The following ABCA13 variants were observed in gnomAD, a reference collection of about 807,000 sequenced individuals.
ABCA13 encodes ATP-binding cassette sub-family A member 13.
A neutral mutation model predicts 478.7 loss-of-function variants in ABCA13; 476 were observed. The observed-to-expected ratio is 0.99, with a 90% CI of 0.92 to 1.07. ABCA13 has a LOEUF of 1.07. Ranked by LOEUF, ABCA13 falls within the 50% of genes least tolerant of loss-of-function variation. ABCA13 has a pLI of 0.00. For synonymous variants in ABCA13, 2,252 were observed against 2,158.9 expected (o/e 1.04, Z -1.20); for missense variants, 6,060 against 5,910.6 (o/e 1.03, Z -0.83).
rs982683854 is a variant in ABCA13 at position 48,220,866 on chromosome 7, G to T, written c.440-415G>T. On this transcript the variant is annotated intron_variant, in intron 4 of 61. Coordinates refer to ENST00000435803, the MANE Select transcript of ABCA13 (RefSeq NM_152701.5). ...ATTTGAGCCATTTTCTGTGAGATAT[G>T]TAACTTAAAATAATCTGAAAAATTA... 4.6e-5 allele frequency among the ~76,000 whole-genome samples: 7 copies of T among 152,072 alleles called. No individual in the cohort carries two copies. In the East Asian group the frequency reaches 1.2e-3, roughly 25 times the overall value.
At position 48,248,288 on chromosome 7, in the gene ABCA13, T is replaced by C. The variant is rs368770394; in HGVS notation, c.1709T>C (p.Leu570Ser). The C allele has an allele frequency of 6.2e-7, 1 of 1,613,764 alleles. No homozygotes were observed. The highest frequency in any genetic ancestry group is 1.3e-5 in the African/African-American group (1 of 74,940). Reference protein sequence around the residue: ...VITWHKNMSVLIPEEYLDWQE... With the variant: ...VITWHKNMSVSIPEEYLDWQE... ...ACTTGGCACAAAAATATGTCAGTTTTAATACCTGAAGAATATTTGGACTGG... is the reference window on the plus strand; with the variant it reads ...ACTTGGCACAAAAATATGTCAGTTTCAATACCTGAAGAATATTTGGACTGG... Residue 570 changes from leucine (L) to serine (S), a missense_variant, in exon 14 of 62, where the codon TTA (leucine) becomes TCA (serine). This residue lies in a region of ABCA13 where 4,423 missense variants were observed against 4,309.1 expected (regional missense o/e 1.03). Coordinates refer to ENST00000435803, the MANE Select transcript of ABCA13 (RefSeq NM_152701.5).
intron 23 of ABCA13, among the ~76,000 whole-genome samples, chr7:48,304,833 T>A (rs1020906089): frequency 7.2e-5 from 11 of 152,202 alleles, no homozygotes; most frequent in South Asian, 2.1e-4. Context: ...AAGGACACCA[T>A]TGGCACTGCC....
Position 48,455,211 on chromosome 7 carries a change from G to A in ABCA13, c.12740G>A (p.Arg4247Lys), listed in dbSNP as rs1298611832. The A allele has an allele frequency of 6.3e-7, 1 of 1,597,962 alleles. No individual in the cohort carries two copies. The highest frequency in any genetic ancestry group is 1.7e-5 in the Admixed American group (1 of 58,064). ...VALAMGLFMV[R>K]PLATEYPPLR... Reference sequence around the variant, plus strand: ...TTGGCCATGGGCTTGTTCATGGTGAGACCCCTGGCCACCGAGTACCCTCCC... The same window carrying A: ...TTGGCCATGGGCTTGTTCATGGTGAAACCCCTGGCCACCGAGTACCCTCCC... The change falls in exon 43 of 62, where the codon AGA becomes AAA. Residue 4247 changes from arginine (R) to lysine (K), a missense_variant. Physicochemically the swap from Arg to Lys is conservative, Grantham distance 26. Coordinates refer to ENST00000435803, the MANE Select transcript of ABCA13 (RefSeq NM_152701.5).
intron 59 of ABCA13, among the ~76,000 whole-genome samples, chr7:48,637,888 T>C (rs1002577173): frequency 6.6e-6 from 1 of 152,202 alleles, no homozygotes; most frequent in Admixed American, 6.5e-5. Flanking sequence ...CCATTAAATA[T>C]GAACTGGGCA....
intron 6 of ABCA13, among the ~76,000 whole-genome samples, chr7:48,229,059 C>A (rs966308024): frequency 6.6e-6 from 1 of 152,112 alleles, no homozygotes; most frequent in Non-Finnish European, 1.5e-5. Context: ...CGCTTCAATA[C>A]ACAAAGTTGT....
intron 44 of ABCA13, among the ~76,000 whole-genome samples, chr7:48,470,117 A>G (rs1222204311): frequency 6.6e-6 from 1 of 152,168 alleles, no homozygotes; most frequent in Non-Finnish European, 1.5e-5. Flanking sequence ...CTTAAACTTT[A>G]AAAGAAAAAT....
intron 48 of ABCA13, among the ~76,000 whole-genome samples, chr7:48,494,128 CATT>C (rs2130740694): frequency 6.6e-6 from 1 of 152,264 alleles, no homozygotes; most frequent in African/African-American, 2.4e-5. Flanking sequence ...GGCCACAACT[CATT>C]AGTATGCTGC....
intron 41 of ABCA13, among the ~76,000 whole-genome samples, chr7:48,414,039 C>A (rs1400229581): frequency 6.6e-6 from 1 of 152,202 alleles, no homozygotes; most frequent in East Asian, 1.9e-4. Context: ...GGAGTCCATC[C>A]ATTCCCACTG....
intron 22 of ABCA13, among the ~76,000 whole-genome samples, chr7:48,297,768 CTCTTTCTT>C (rs1178916104): frequency 6.8e-6 from 1 of 147,494 alleles, no homozygotes; most frequent in Non-Finnish European, 1.5e-5. Context: ...TAAGAAGAAG[CTCTTTCTT>C]TCTTTCTTTC....
chr7:48,190,452 C>T (rs2128890897), intron 1 of ABCA13, among the ~76,000 whole-genome samples: 1 of 152,246 alleles, frequency 6.6e-6, no homozygotes, highest in African/African-American at 2.4e-5. Context: ...ATGGCCTTTA[C>T]CTTTTCAAGA....
intron 4 of ABCA13, 72 bp downstream of exon 4, chr7:48,219,577 G>C: frequency 6.6e-7 from 1 of 1,526,692 alleles, no homozygotes; most frequent in Non-Finnish European, 8.8e-7. Flanking sequence ...GAGGCTATGA[G>C]AACCCAGAAT....
intron 27 of ABCA13, among the ~76,000 whole-genome samples, chr7:48,319,680 A>T (rs572946062): frequency 5.3e-5 from 8 of 152,316 alleles, no homozygotes; most frequent in African/African-American, 1.9e-4. Flanking sequence ...TTGTAATAGC[A>T]CAGGTGACAC....
intron 42 of ABCA13, among the ~76,000 whole-genome samples, chr7:48,449,195 GT>G (rs1824684143): frequency 6.6e-6 from 1 of 152,094 alleles, no homozygotes; most frequent in South Asian, 2.1e-4. Flanking sequence ...CAGGTTTTAT[GT>G]TTTGTTAGTA....
Position 48,376,602 on chromosome 7 carries a change from C to A in ABCA13, c.11335+30C>A, listed in dbSNP as rs559948736. 1.9e-5 allele frequency: 30 copies of A among 1,605,424 alleles called. 2 individuals carry two copies. In the South Asian group the frequency reaches 3.2e-4, roughly 17 times the overall value. ...GAATTTTGCCTTTTGTAAGATAACA[C>A]AATAAATTTTAAAAACAGTTTGAAT... is the stretch of plus-strand genomic sequence containing the variant. On this transcript the variant is annotated intron_variant, in intron 35 of 61. Transcript: ENST00000435803.
intron 18 of ABCA13, 63 bp downstream of exon 18, chr7:48,279,983 A>C (rs999866516): frequency 7.0e-7 from 1 of 1,423,064 alleles, no homozygotes; most frequent in African/African-American, 1.4e-5. Flanking sequence ...AAATAGAACC[A>C]TGCAGGAATT....
At position 48,273,997 on chromosome 7, in the gene ABCA13, T is replaced by C. The variant is rs1562936211; in HGVS notation, c.4331T>C (p.Ile1444Thr). 10 of 1,607,840 alleles carry C rather than the reference T, an allele frequency of 6.2e-6. No homozygotes were observed. Among genetic ancestry groups the C allele is most frequent in the African/African-American group, 1.3e-5 (1 of 74,822 alleles). Residue 1444 changes from isoleucine to threonine, a missense_variant, in exon 17 of 62, where the codon ATA becomes ACA. Ile to Thr is a moderately conservative substitution (Grantham distance 89). This residue lies in a region of ABCA13 where 4,423 missense variants were observed against 4,309.1 expected (regional missense o/e 1.03). Transcript: ENST00000435803. ...AAAATTGTAACTTGGGTGTTAAATATAAAAAAACCTCTTTGTTCATCAAAT... is the reference window on the plus strand; with the variant it reads ...AAAATTGTAACTTGGGTGTTAAATACAAAAAAACCTCTTTGTTCATCAAAT... ...ILKIVTWVLNIKKPLCSSNGS... is the reference protein window; with the variant it reads ...ILKIVTWVLNTKKPLCSSNGS...
At chr7:48,542,468 T>C (rs1431525502) in intron 55 of ABCA13, among the ~76,000 whole-genome samples, 1 of 151,714 alleles carries the variant, frequency 6.6e-6, no homozygotes, top group Non-Finnish European at 1.5e-5. Flanking sequence ...TTATTATCTT[T>C]TGTGTCATCA....
At chr7:48,242,063 T>A (rs1345412708) in intron 10 of ABCA13, among the ~76,000 whole-genome samples, 2 of 152,130 alleles carry the variant, frequency 1.3e-5, no homozygotes, top group African/African-American at 4.8e-5. Flanking sequence ...ACATCTGTCA[T>A]AAATGAACAA....
chr7:48,372,112 G>A (rs1441690059), intron 32 of ABCA13, 56 bp from the exon 33 acceptor site: 11 of 1,485,510 alleles, frequency 7.4e-6, no homozygotes, highest in South Asian at 1.3e-5. Context: ...CATCTGATTT[G>A]TTCTTCCTCA....
Sources: allele counts gnomAD v4.1 joint callset (sites outside exome capture counted in the v4.1 genomes callset), GRCh38; gene constraint gnomAD v4.1.1; regional missense constraint gnomAD v4.1.1; transcripts MANE v1.5; gene names NCBI Gene and HGNC (gene_info 2026-07-23, HGNC 2026-07-21).